CCDC171: variants seen among roughly 807,000 people sequenced by gnomAD.
The protein encoded by CCDC171 is coiled-coil domain containing 171.
A neutral mutation model predicts 168.2 loss-of-function variants in CCDC171; 177 were observed. The observed-to-expected ratio is 1.05, with a 90% CI of 0.93 to 1.19. The LOEUF (loss-of-function observed/expected upper bound fraction) is 1.19, where lower values mean the gene tolerates loss of function less well. CCDC171 is among the 50% of genes most tolerant of loss of function. The pLI is 0.00. For missense variants in CCDC171, 1,991 were observed against 1,539.0 expected, an observed-to-expected ratio of 1.29 and a Z score of -4.91; for synonymous variants, 687 against 540.8, an observed-to-expected ratio of 1.27 and a Z score of -3.75.
chr9:16,087,880 GT>G, the CCDC171 span, among the ~76,000 whole-genome samples: 1 of 151,936 alleles, frequency 6.6e-6, no homozygotes, highest in Non-Finnish European at 1.5e-5. Context: ...GCAGTGGCTG[GT>G]CCCGGTGATG....
chr9:15,617,579 T>C (rs1367340746), intron 6 of CCDC171, among the ~76,000 whole-genome samples: 1 of 152,050 alleles, frequency 6.6e-6, no homozygotes, highest in Admixed American at 6.5e-5. Flanking sequence ...GGTTTCACCA[T>C]GTTAGCCAGG....
chr9:16,074,842 G>A, the CCDC171 span, among the ~76,000 whole-genome samples: 26 of 152,274 alleles, frequency 1.7e-4, no homozygotes, highest in South Asian at 5.4e-3. Context: ...GATGAGAAGG[G>A]ACCAGATCCC....
intron 7 of CCDC171, among the ~76,000 whole-genome samples, chr9:15,631,032 G>C (rs1186740662): frequency 6.6e-6 from 1 of 151,752 alleles, no homozygotes; most frequent in Non-Finnish European, 1.5e-5. Flanking sequence ...GTGTGTAGAG[G>C]GAAATTTATA....
chr9:16,084,823 G>A, the CCDC171 span, among the ~76,000 whole-genome samples: 1 of 152,132 alleles, frequency 6.6e-6, no homozygotes, highest in Non-Finnish European at 1.5e-5. Context: ...AATCCAGAAG[G>A]CCGGTGAGGT....
chr9:15,677,927 A>T (rs10125463), intron 9 of CCDC171, among the ~76,000 whole-genome samples: 5,123 of 28,896 alleles, frequency 0.18, 1,051 homozygotes, highest in Middle Eastern at 0.22. Flanking sequence ...TATATATATA[A>T]GAGATGTGGT....
intron 7 of CCDC171, among the ~76,000 whole-genome samples, chr9:15,647,188 G>A (rs2047112738): frequency 6.6e-6 from 1 of 152,280 alleles, no homozygotes; most frequent in Admixed American, 6.5e-5. Flanking sequence ...AAATAAAGAT[G>A]TTCTTTGAAA....
In CCDC171 at chr9:15,957,074, C is replaced by T. The variant is rs544520102; in HGVS notation, c.3754-14535C>T. ...AGCTTAATGTATCACTATAATATTTCCTAGATTCCTGTCTAATTCAAGATA... is the reference window on the plus strand; with the variant it reads ...AGCTTAATGTATCACTATAATATTTTCTAGATTCCTGTCTAATTCAAGATA... On this transcript the variant is annotated intron_variant, in intron 25 of 25. Coordinates refer to ENST00000380701, the MANE Select transcript of CCDC171 (RefSeq NM_173550.4). Among the ~76,000 whole-genome samples, 15 of 144,370 alleles carry T rather than the reference C, an allele frequency of 1.0e-4. 1 individual carries two copies. Among genetic ancestry groups the T allele is most frequent in the Middle Eastern group, 3.8e-3 (1 of 264 alleles). The allele number at this position is 144,370 out of a possible 152,430, so 94.7% of individuals were successfully genotyped here.
At chr9:15,654,668 G>C (rs749910813) in intron 7 of CCDC171, among the ~76,000 whole-genome samples, 6 of 152,090 alleles carry the variant, frequency 3.9e-5, no homozygotes, top group African/African-American at 1.2e-4. Context: ...GGCTAAGGGG[G>C]TGGAGCCAAG....
At chr9:15,670,447 T>C (rs6474944) in intron 9 of CCDC171, among the ~76,000 whole-genome samples, 73,597 of 152,028 alleles carry the variant, frequency 0.48, 18,259 homozygotes, top group East Asian at 0.77. Flanking sequence ...CATTGCTCTC[T>C]ACTATCAGTT....
At chr9:15,639,430 T>C (rs1463846926) in intron 7 of CCDC171, among the ~76,000 whole-genome samples, 3 of 152,142 alleles carry the variant, frequency 2.0e-5, no homozygotes, top group Admixed American at 6.5e-5. Flanking sequence ...CAGTTTATTA[T>C]CATGTTAATC....
the CCDC171 span, among the ~76,000 whole-genome samples, chr9:16,074,541 A>G: frequency 6.6e-6 from 1 of 152,154 alleles, no homozygotes; most frequent in South Asian, 2.1e-4. Context: ...CACAGTGCTT[A>G]CCATCTAGTG....
chr9:15,569,735 A>C lies in CCDC171; in HGVS notation c.42-1889A>C, dbSNP rs999671588. Among the ~76,000 whole-genome samples, 3 of 151,732 alleles carry C rather than the reference A, an allele frequency of 2.0e-5. No individual in the cohort carries two copies. In the South Asian group the frequency reaches 6.2e-4, roughly 31 times the overall value. On this transcript the variant is annotated intron_variant, in intron 2 of 25. Coordinates refer to ENST00000380701, the MANE Select transcript of CCDC171 (RefSeq NM_173550.4). ...GAGGCTGAGGCAGGAGAATGGCGTG[A>C]ACCCGGGAGGCGGAGCTTGCAGTGA...
At chr9:16,035,358 C>T (rs1353424261) in intron 6 of CCDC171, 1 of 152,178 alleles carries the variant, frequency 6.6e-6, no homozygotes, top group Non-Finnish European at 1.5e-5. Context: ...CCCCCTAAAT[C>T]TCTTATGCAG....
intron 25 of CCDC171, among the ~76,000 whole-genome samples, chr9:15,942,859 C>G (rs752786513): frequency 2.0e-5 from 3 of 151,626 alleles, no homozygotes; most frequent in African/African-American, 7.3e-5. Context: ...ACCAAATGCT[C>G]CTACAATATT....
intron 10 of CCDC171, among the ~76,000 whole-genome samples, chr9:15,682,128 T>A (rs184923983): frequency 1.5e-3 from 234 of 152,200 alleles, no homozygotes; most frequent in African/African-American, 5.3e-3. Context: ...CTATCCTCTA[T>A]AGGTTTACTC....
At chr9:16,077,336 A>G in the CCDC171 span, among the ~76,000 whole-genome samples, 4 of 152,176 alleles carry the variant, frequency 2.6e-5, no homozygotes, top group African/African-American at 7.2e-5. Flanking sequence ...CGGGGTATCA[A>G]ATCATTGGTC....
At chr9:15,637,804 A>G (rs922272229) in intron 7 of CCDC171, among the ~76,000 whole-genome samples, 1 of 151,894 alleles carries the variant, frequency 6.6e-6, no homozygotes, top group Non-Finnish European at 1.5e-5. Context: ...TGAACTCATC[A>G]TTTTTTATGG....
rs1342183785 is a variant in CCDC171 at position 15,971,723 on chromosome 9, A to T, written c.3868A>T (p.Thr1290Ser). Residue 1290 changes from threonine (T) to serine (S), a missense_variant, in exon 26 of 26, where the codon ACT (threonine) becomes TCT (serine). Coordinates refer to ENST00000380701, the MANE Select transcript of CCDC171 (RefSeq NM_173550.4). ...GAAAGCTGAACTTGATACTACTTAC[A>T]CTTTCTTAAAGGAGACATTTATAAA... The part of the protein sequence containing the change: ...PLKAELDTTY[T>S]FLKETFINTV... 1 of 1,613,790 alleles carries T rather than the reference A, an allele frequency of 6.2e-7. No individual in the cohort carries two copies. Among genetic ancestry groups the T allele is most frequent in the Non-Finnish European group, 8.5e-7 (1 of 1,179,818 alleles).
intron 3 of CCDC171, among the ~76,000 whole-genome samples, chr9:15,572,331 G>T (rs1473639532): frequency 1.3e-5 from 2 of 151,730 alleles, no homozygotes; most frequent in African/African-American, 2.4e-5. Flanking sequence ...TTTTTTCTCT[G>T]ATAAGTCTTA....
Sources: gnomAD v4.1 joint callset for allele counts (sites outside exome capture counted in the v4.1 genomes callset) on GRCh38, gnomAD v4.1.1 for gene constraint, MANE v1.5 for transcripts, NCBI Gene and HGNC (gene_info 2026-07-23, HGNC 2026-07-21) for gene names.